TBC1D32: variants seen among roughly 807,000 people sequenced by gnomAD.
TBC1D32 encodes TBC1 domain family member 32.
Under a neutral mutation model 170.3 loss-of-function variants are expected in TBC1D32, and 151 were observed. That is an observed-to-expected ratio of 0.89 (90% CI 0.78 to 1.01). TBC1D32 has a LOEUF of 1.01. Ranked by LOEUF, TBC1D32 falls within the 50% of genes least tolerant of loss-of-function variation. The probability of loss-of-function intolerance (pLI) is 0.00; values close to 1 mark genes in which losing one functional copy is unlikely to be tolerated. For synonymous variants in TBC1D32, 498 were observed against 488.0 expected (o/e 1.02, Z -0.27); for missense variants, 1,464 against 1,457.1 (o/e 1.00, Z -0.08).
At chr6:121,190,080 AC>A (rs1477393865) in intron 22 of TBC1D32, among the ~76,000 whole-genome samples, 1 of 11,616 alleles carries the variant, frequency 8.6e-5, no homozygotes, top group African/African-American at 4.0e-4. Context: ...ACAGACACAC[AC>A]ACACACACAC....
chr6:121,334,451 A>G lies in TBC1D32; in HGVS notation c.-21T>C. The G allele has an allele frequency of 6.2e-7, 1 of 1,606,126 alleles. No homozygotes were observed. The highest frequency in any genetic ancestry group is 8.5e-7 in the Non-Finnish European group (1 of 1,176,032). On this transcript the variant is annotated 5_prime_UTR_variant, in exon 1 of 32. Transcript: ENST00000398212. ...GCCATCCTGTTGGAATCAAACGTCC[A>G]CTCTCATTACTCCAGGTCCGAGCAA...
intron 30 of TBC1D32, among the ~76,000 whole-genome samples, chr6:121,091,643 G>A (rs1181939811): frequency 1.3e-5 from 2 of 151,856 alleles, no homozygotes; most frequent in African/African-American, 2.4e-5. Context: ...AAAGCAATGC[G>A]TGCCCACTGT....
chr6:121,334,650 T>G, upstream of TBC1D32: 1 of 588,648 alleles, frequency 1.7e-6, no homozygotes, highest in Non-Finnish European at 3.0e-6. Flanking sequence ...AGGTCTCGCC[T>G]CTGGTACTCT....
chr6:121,238,940 A>C, intron 20 of TBC1D32, 130 bp downstream of exon 20: 1 of 466,268 alleles, frequency 2.1e-6, no homozygotes, highest in Non-Finnish European at 3.8e-6. Flanking sequence ...TAGTTTGAAA[A>C]TTAAAAAGAG....
At chr6:121,092,291 A>ATTTT (rs1776886276) in intron 30 of TBC1D32, among the ~76,000 whole-genome samples, 2 of 26,396 alleles carry the variant, frequency 7.6e-5, no homozygotes, top group East Asian at 1.5e-3. Context: ...CTTCAGTTTT[A>ATTTT]TGTTTTTTTT....
chr6:121,112,964 T>C, intron 28 of TBC1D32, 98 bp downstream of exon 28: 1 of 839,184 alleles, frequency 1.2e-6, no homozygotes, highest in Non-Finnish European at 1.9e-6. Flanking sequence ...TAGCTTAAAG[T>C]ACTACTTTAC....
chr6:121,310,009 T>G (rs897664808), intron 4 of TBC1D32, among the ~76,000 whole-genome samples: 1 of 152,048 alleles, frequency 6.6e-6, no homozygotes, highest in African/African-American at 2.4e-5. Flanking sequence ...TGCTTCAGCC[T>G]GGGTGACAGA....
intron 30 of TBC1D32, among the ~76,000 whole-genome samples, chr6:121,098,467 C>A (rs1399626339): frequency 6.6e-6 from 1 of 151,944 alleles, no homozygotes; most frequent in East Asian, 1.9e-4. Flanking sequence ...CAATTCACTT[C>A]ATTGATCGTG....
chr6:121,081,192 T>C (rs922071678), intron 31 of TBC1D32, among the ~76,000 whole-genome samples: 1 of 152,234 alleles, frequency 6.6e-6, no homozygotes, highest in African/African-American at 2.4e-5. Flanking sequence ...TATCATGTTA[T>C]ACAATGATTG....
At chr6:121,112,416 C>A in intron 29 of TBC1D32, 89 bp downstream of exon 29, 1 of 1,180,600 alleles carries the variant, frequency 8.5e-7, no homozygotes, top group South Asian at 2.0e-5. Flanking sequence ...ATTACAAAGT[C>A]CTTCACAAAT....
chr6:121,179,826 T>C (rs1272609000), intron 22 of TBC1D32, among the ~76,000 whole-genome samples: 2 of 152,166 alleles, frequency 1.3e-5, no homozygotes, highest in African/African-American at 4.8e-5. Flanking sequence ...TGTAGTGTAT[T>C]TAGTTTCATG....
chr6:121,314,671 G>A (rs773018016), intron 3 of TBC1D32, among the ~76,000 whole-genome samples: 4 of 152,128 alleles, frequency 2.6e-5, no homozygotes, highest in East Asian at 1.9e-4. Flanking sequence ...TAATTACTGC[G>A]GAGGAAGAGA....
In TBC1D32 at chr6:121,303,758, A is replaced by G. The variant is rs1806847693; in HGVS notation, c.939T>C (p.Tyr313=). The G allele has an allele frequency of 6.5e-7, 1 of 1,532,258 alleles. No individual in the cohort carries two copies. Among genetic ancestry groups the G allele is most frequent in the Admixed American group, 1.8e-5 (1 of 55,938 alleles). 94.9% of individuals were successfully genotyped at this position (1,532,258 alleles called of 1,614,324 possible). Residue 313 remains tyrosine, a synonymous_variant, in exon 9 of 32, where the codon TAT becomes TAC. Coordinates refer to ENST00000398212, the MANE Select transcript of TBC1D32 (RefSeq NM_152730.6). ...AAGTACTCTCCACAATTTCTTCCAT[A>G]TACCTTAAAGTTTGGGAAAAAAGAA... The part of the protein sequence containing the change: ...PSFWIRHPEK[Y]MEEIVESTLS...
At chr6:121,252,183 G>C (rs879112118) in intron 17 of TBC1D32, among the ~76,000 whole-genome samples, 1 of 152,140 alleles carries the variant, frequency 6.6e-6, no homozygotes, top group Non-Finnish European at 1.5e-5. Context: ...CAAGAATCTA[G>C]AACCAGAAAT....
intron 3 of TBC1D32, among the ~76,000 whole-genome samples, chr6:121,316,740 A>G (rs1270844499): frequency 6.6e-6 from 1 of 152,158 alleles, no homozygotes; most frequent in African/African-American, 2.4e-5. Context: ...TTTTCACCCA[A>G]ACTCCTCAAA....
intron 2 of TBC1D32, 84 bp downstream of exon 2, chr6:121,321,549 G>T: frequency 7.8e-7 from 1 of 1,289,310 alleles, no homozygotes. Context: ...GAGGGAAATA[G>T]ACTGTGAGGG....
chr6:121,197,690 C>T (rs1790925545), intron 22 of TBC1D32, among the ~76,000 whole-genome samples: 1 of 152,038 alleles, frequency 6.6e-6, no homozygotes. Context: ...TAATTATGAT[C>T]TTATTATTGT....
At chr6:121,130,749 A>G (rs1407617212) in intron 25 of TBC1D32, among the ~76,000 whole-genome samples, 1 of 152,168 alleles carries the variant, frequency 6.6e-6, no homozygotes, top group Non-Finnish European at 1.5e-5. Flanking sequence ...TGTTGTGCAA[A>G]TTAAGAGTTT....
intron 15 of TBC1D32, among the ~76,000 whole-genome samples, chr6:121,275,164 G>T (rs1458456213): frequency 6.6e-6 from 1 of 152,152 alleles, no homozygotes; most frequent in Non-Finnish European, 1.5e-5. Context: ...TGTATGTTTG[G>T]TGGGGAAAGC....
Sources: allele counts gnomAD v4.1 joint callset (sites outside exome capture counted in the v4.1 genomes callset), GRCh38; gene constraint gnomAD v4.1.1; transcripts MANE v1.5; gene names NCBI Gene and HGNC (gene_info 2026-07-23, HGNC 2026-07-21).